SH3BGRL: variants seen among roughly 807,000 people sequenced by gnomAD.
SH3BGRL encodes adapter SH3BGRL.
A neutral mutation model predicts 9.8 loss-of-function variants in SH3BGRL; 7 were observed. The observed-to-expected ratio is 0.72, with a 90% CI of 0.41 to 1.35. SH3BGRL has a LOEUF of 1.35. Among genes scored for constraint, SH3BGRL ranks in the 40% most tolerant of loss-of-function variants. SH3BGRL has a pLI of 0.01. For synonymous variants in SH3BGRL, 36 were observed against 29.1 expected, an observed-to-expected ratio of 1.24 and a Z score of -0.76; for missense variants, 73 against 84.4, an observed-to-expected ratio of 0.86 and a Z score of 0.53.
chrX:81,291,344 C>T (rs977174199), intron 3 of SH3BGRL, among the ~76,000 whole-genome samples: 1 of 111,264 alleles, frequency 9.0e-6, no homozygotes, highest in African/African-American at 3.3e-5. Context: ...AAAGGGGAAG[C>T]AAGCACATCT....
intron 1 of SH3BGRL, among the ~76,000 whole-genome samples, chrX:81,226,027 T>C (rs1025951996): frequency 9.9e-5 from 11 of 111,515 alleles, no homozygotes; most frequent in African/African-American, 1.6e-4. Context: ...AAGTTATTCT[T>C]CCTATCTAAC....
intron 1 of SH3BGRL, among the ~76,000 whole-genome samples, chrX:81,258,561 G>A (rs1178742218): frequency 2.7e-5 from 3 of 112,289 alleles, no homozygotes; most frequent in Non-Finnish European, 3.8e-5. Context: ...TGTGATCACT[G>A]GAAAGACAAT....
chrX:81,239,899 C>T (rs1194044332), intron 1 of SH3BGRL, among the ~76,000 whole-genome samples: 2 of 111,968 alleles, frequency 1.8e-5, no homozygotes, highest in Non-Finnish European at 3.8e-5. Context: ...ACAACTTTAA[C>T]CCAAGAATAG....
At chrX:81,266,997 GCT>G (rs765041685) in intron 1 of SH3BGRL, among the ~76,000 whole-genome samples, 2 of 111,305 alleles carry the variant, frequency 1.8e-5, no homozygotes, top group Non-Finnish European at 3.8e-5. Flanking sequence ...TCATGGTTTG[GCT>G]CTCTGTTTGT....
At chrX:81,249,012 C>T (rs763320418) in intron 1 of SH3BGRL, among the ~76,000 whole-genome samples, 79 of 112,234 alleles carry the variant, frequency 7.0e-4, no homozygotes, top group Non-Finnish European at 1.3e-3. Flanking sequence ...GGTGGATTCC[C>T]ATTTTCCTTC....
Position 81,277,222 on chromosome X carries a change from T to C in SH3BGRL, c.231+53T>C. The C allele has an allele frequency of 5.8e-6, 6 of 1,027,209 alleles. No individual in the cohort carries two copies. In the East Asian group the frequency reaches 1.9e-4, roughly 33 times the overall value. The allele number at this position is 1,027,209 out of a possible 1,213,427, so 84.7% of individuals were successfully genotyped here. A position where few individuals can be genotyped will look rare whatever the true frequency, so the allele number is the denominator to read the frequency against. ...ATTGTAATAGATTGCCCCAAATCTA[T>C]CCATTATTTTCACCTCTGCCTCCAA... On this transcript the variant is annotated intron_variant, in intron 2 of 3. Transcript: ENST00000373212.
At chrX:81,283,872 T>G (rs1242323442) in intron 3 of SH3BGRL, among the ~76,000 whole-genome samples, 1 of 111,034 alleles carries the variant, frequency 9.0e-6, no homozygotes, top group Non-Finnish European at 1.9e-5. Context: ...AAAAAGGAAG[T>G]CAATTGGTCA....
At chrX:81,245,217 G>T (rs1435106811) in intron 1 of SH3BGRL, among the ~76,000 whole-genome samples, 1 of 111,423 alleles carries the variant, frequency 9.0e-6, no homozygotes, top group Non-Finnish European at 1.9e-5. Flanking sequence ...CTCTGAATAG[G>T]CCTGTACTTA....
At chrX:81,253,653 G>T (rs2075717360) in intron 1 of SH3BGRL, among the ~76,000 whole-genome samples, 1 of 112,234 alleles carries the variant, frequency 8.9e-6, no homozygotes, top group Admixed American at 9.4e-5. Flanking sequence ...TTGATGTTCA[G>T]ATGACCTTCC....
At chrX:81,258,308 A>C (rs1441016696) in intron 1 of SH3BGRL, among the ~76,000 whole-genome samples, 1 of 111,910 alleles carries the variant, frequency 8.9e-6, no homozygotes, top group Non-Finnish European at 1.9e-5. Flanking sequence ...TCCACTGCTG[A>C]AAACAAGTAA....
chrX:81,284,149 G>T (rs1250890641), intron 3 of SH3BGRL, among the ~76,000 whole-genome samples: 2 of 110,501 alleles, frequency 1.8e-5, no homozygotes, highest in African/African-American at 6.6e-5. Context: ...GCAAAACACT[G>T]CTGAAAGAAA....
intron 3 of SH3BGRL, among the ~76,000 whole-genome samples, chrX:81,292,911 G>A (rs908568376): frequency 6.3e-5 from 7 of 111,393 alleles, no homozygotes; most frequent in Non-Finnish European, 1.1e-4. Context: ...ACTAGTGATA[G>A]CTGATGAACT....
At chrX:81,235,308 C>T (rs1167951642) in intron 1 of SH3BGRL, among the ~76,000 whole-genome samples, 1 of 110,378 alleles carries the variant, frequency 9.1e-6, no homozygotes, top group Non-Finnish European at 1.9e-5. Context: ...AAAGTAGTTG[C>T]TTTTTTCTTT....
chrX:81,287,565 C>T (rs975422726), intron 3 of SH3BGRL, among the ~76,000 whole-genome samples: 6 of 111,597 alleles, frequency 5.4e-5, no homozygotes, highest in Non-Finnish European at 1.1e-4. Context: ...TAATACCAAA[C>T]ACTGCATGTT....
At chrX:81,229,184 A>T (rs755355348) in intron 1 of SH3BGRL, among the ~76,000 whole-genome samples, 78 of 109,434 alleles carry the variant, frequency 7.1e-4, no homozygotes, top group Admixed American at 2.1e-3. Flanking sequence ...AGGATGTGCC[A>T]TGGGGGTGTG....
At chrX:81,276,444 G>A (rs1433304314) in intron 1 of SH3BGRL, among the ~76,000 whole-genome samples, 3 of 110,786 alleles carry the variant, frequency 2.7e-5, no homozygotes, top group Middle Eastern at 4.3e-3. Flanking sequence ...AAACTTTATA[G>A]TTTGTAGGAT....
chrX:81,257,379 CT>C (rs1478903772), intron 1 of SH3BGRL, among the ~76,000 whole-genome samples: 1 of 111,824 alleles, frequency 8.9e-6, no homozygotes, highest in Non-Finnish European at 1.9e-5. Flanking sequence ...GTAACAAATA[CT>C]AAGTATTTAG....
intron 1 of SH3BGRL, chrX:81,237,408 G>T: frequency 3.8e-6 from 1 of 260,607 alleles, no homozygotes. Context: ...GTTGCATGGT[G>T]CAGAGAGCTT....
At chrX:81,259,811 G>A (rs2075735878) in intron 1 of SH3BGRL, among the ~76,000 whole-genome samples, 1 of 111,843 alleles carries the variant, frequency 8.9e-6, no homozygotes, top group African/African-American at 3.2e-5. Flanking sequence ...GCACTGTTGT[G>A]GAATGTTCTT....
Sources: allele counts gnomAD v4.1 joint callset (sites outside exome capture counted in the v4.1 genomes callset), GRCh38; gene constraint gnomAD v4.1.1; transcripts MANE v1.5; gene names NCBI Gene and HGNC (gene_info 2026-07-23, HGNC 2026-07-21).